The following SH3RF1 variants were observed in gnomAD, a reference collection of about 807,000 sequenced individuals.
SH3RF1 encodes the protein E3 ubiquitin-protein ligase SH3RF1.
In SH3RF1, 32 loss-of-function variants were observed where a neutral mutation model predicts 74.0. That is an observed-to-expected ratio of 0.43 (90% CI 0.33 to 0.58). The LOEUF (loss-of-function observed/expected upper bound fraction) is 0.58, where lower values mean the gene tolerates loss of function less well. Among genes scored for constraint, SH3RF1 ranks in the 20% least tolerant of loss-of-function variants. The probability of loss-of-function intolerance (pLI) is 0.05; values close to 1 mark genes in which losing one functional copy is unlikely to be tolerated. For missense variants in SH3RF1, 954 were observed against 1,130.9 expected, an observed-to-expected ratio of 0.84 and a Z score of 2.24; for synonymous variants, 396 against 439.6, an observed-to-expected ratio of 0.90 and a Z score of 1.24.
chr4:169,208,102 G>A (rs917799959), intron 2 of SH3RF1, among the ~76,000 whole-genome samples: 4 of 151,830 alleles, frequency 2.6e-5, no homozygotes, highest in African/African-American at 4.8e-5. Context: ...AAAAGCATAC[G>A]TGGAAACGTA....
At position 169,121,020 on chromosome 4, in the gene SH3RF1, T is replaced by C. The variant is rs1329189346; in HGVS notation, c.1347-31A>G. ...ATAGAAAATAATATTTGATTTCAGGTTGAGTAACAGACAAATCCCAAGATG... is the reference window on the plus strand; with the variant it reads ...ATAGAAAATAATATTTGATTTCAGGCTGAGTAACAGACAAATCCCAAGATG... On this transcript the variant is annotated intron_variant, in intron 7 of 11. Coordinates refer to ENST00000284637, the MANE Select transcript of SH3RF1 (RefSeq NM_020870.4). 3 of 1,580,970 alleles carry C rather than the reference T, an allele frequency of 1.9e-6. No individual in the cohort carries two copies. In the South Asian group the frequency reaches 3.3e-5, roughly 18 times the overall value.
chr4:169,200,001 A>T (rs924410531), intron 2 of SH3RF1, among the ~76,000 whole-genome samples: 3 of 152,206 alleles, frequency 2.0e-5, no homozygotes, highest in African/African-American at 7.2e-5. Context: ...GGCAAATATG[A>T]ACCTAAATAA....
Position 169,169,397 on chromosome 4 carries a change from G to A in SH3RF1, c.394-12718C>T, listed in dbSNP as rs574195848. On this transcript the variant is annotated intron_variant, in intron 2 of 11. Coordinates refer to ENST00000284637, the MANE Select transcript of SH3RF1 (RefSeq NM_020870.4). ...GGATCATATGAGGTCAGGAGTTCAA[G>A]ACCAGCCTGGCCAACATGGCAAAAC... is the stretch of plus-strand genomic sequence containing the variant. Among the ~76,000 whole-genome samples, 15 of 152,248 alleles carry A rather than the reference G, an allele frequency of 9.9e-5. No homozygotes were observed. The South Asian group carries it at 1.7e-3, about 17-fold the overall frequency.
chr4:169,146,599 G>A (rs1733899447), intron 4 of SH3RF1, among the ~76,000 whole-genome samples: 1 of 152,148 alleles, frequency 6.6e-6, no homozygotes, highest in African/African-American at 2.4e-5. Context: ...CAAGAGCTAA[G>A]AAAAGTCAGT....
intron 2 of SH3RF1, among the ~76,000 whole-genome samples, chr4:169,262,156 A>G (rs752709985): frequency 5.1e-4 from 77 of 152,312 alleles, no homozygotes; most frequent in Non-Finnish European, 9.0e-4. Context: ...TCATAGATAT[A>G]GTAAATGAAT....
At chr4:169,159,224 G>C (rs959606960) in intron 2 of SH3RF1, among the ~76,000 whole-genome samples, 1 of 151,890 alleles carries the variant, frequency 6.6e-6, no homozygotes, top group Non-Finnish European at 1.5e-5. Flanking sequence ...GTCCAACTCT[G>C]GGGAAAGAAG....
Position 169,096,461 on chromosome 4 carries a change from C to A in SH3RF1, c.*58G>T, listed in dbSNP as rs1732932907. On this transcript the variant is annotated 3_prime_UTR_variant, in exon 12 of 12. Coordinates refer to ENST00000284637, the MANE Select transcript of SH3RF1 (RefSeq NM_020870.4). ...CCACAAATGTGCTCTTTCTGTTAAA[C>A]TGCTTTGTGCTACTTTGTTGTGTGA... 6.4e-7 allele frequency: 1 copy of A among 1,563,316 alleles called. No homozygotes were observed. The highest frequency in any genetic ancestry group is 8.7e-7 in the Non-Finnish European group (1 of 1,153,128).
intron 2 of SH3RF1, among the ~76,000 whole-genome samples, chr4:169,160,208 A>T (rs1734129176): frequency 6.6e-6 from 1 of 152,198 alleles, no homozygotes; most frequent in South Asian, 2.1e-4. Context: ...CTTAGAAACC[A>T]TTCTGAACTG....
intron 2 of SH3RF1, among the ~76,000 whole-genome samples, chr4:169,161,837 C>T (rs1444869979): frequency 6.6e-6 from 1 of 152,136 alleles, no homozygotes; most frequent in Non-Finnish European, 1.5e-5. Flanking sequence ...ATAGAAAGTA[C>T]CACACAGAGT....
intron 11 of SH3RF1, among the ~76,000 whole-genome samples, chr4:169,104,680 T>G (rs770379881): frequency 4.6e-5 from 7 of 152,044 alleles, no homozygotes; most frequent in Non-Finnish European, 8.8e-5. Flanking sequence ...GGCAGGTGAA[T>G]TGCCTGAGCT....
chr4:169,237,753 A>G (rs1191104614), intron 2 of SH3RF1, among the ~76,000 whole-genome samples: 1 of 152,174 alleles, frequency 6.6e-6, no homozygotes, highest in Non-Finnish European at 1.5e-5. Context: ...ACTGATAAAG[A>G]ATTAGTAATA....
At chr4:169,115,030 T>C (rs1246117817) in intron 10 of SH3RF1, among the ~76,000 whole-genome samples, 2 of 152,198 alleles carry the variant, frequency 1.3e-5, no homozygotes, top group Admixed American at 6.5e-5. Context: ...CTTCTTTTTC[T>C]TTTTACATTT....
At chr4:169,192,396 C>T (rs994170693) in intron 2 of SH3RF1, among the ~76,000 whole-genome samples, 1 of 151,990 alleles carries the variant, frequency 6.6e-6, no homozygotes, top group Non-Finnish European at 1.5e-5. Context: ...TGCTGAACAT[C>T]ACTAATGATC....
chr4:169,120,780 C>T (rs768073897), intron 8 of SH3RF1, 39 bp downstream of exon 8: 38 of 1,592,248 alleles, frequency 2.4e-5, no homozygotes, highest in Non-Finnish European at 3.1e-5. Flanking sequence ...CAAAGCTTCT[C>T]TGTTTAGAAC....
intron 2 of SH3RF1, among the ~76,000 whole-genome samples, chr4:169,254,558 C>T (rs1366960361): frequency 6.6e-6 from 1 of 151,936 alleles, no homozygotes; most frequent in African/African-American, 2.4e-5. Context: ...AAGTTTAATC[C>T]GGAGGGTAGT....
chr4:169,169,144 A>C (rs778257427), intron 2 of SH3RF1, among the ~76,000 whole-genome samples: 2 of 152,202 alleles, frequency 1.3e-5, no homozygotes, highest in Non-Finnish European at 2.9e-5. Flanking sequence ...TCTTCTAGTC[A>C]ATTAAATGTG....
At chr4:169,201,687 C>T (rs542847113) in intron 2 of SH3RF1, 1 of 152,290 alleles carries the variant, frequency 6.6e-6, no homozygotes, top group South Asian at 2.1e-4. Flanking sequence ...ATAATCATTT[C>T]CATGGTAACT....
chr4:169,242,221 T>C (rs2110736114), intron 2 of SH3RF1, among the ~76,000 whole-genome samples: 2 of 152,282 alleles, frequency 1.3e-5, no homozygotes, highest in Non-Finnish European at 2.9e-5. Context: ...ATTCCAATCA[T>C]TGATCTGATG....
intron 2 of SH3RF1, among the ~76,000 whole-genome samples, chr4:169,228,799 T>C (rs1443120501): frequency 1.3e-5 from 2 of 152,158 alleles, no homozygotes; most frequent in African/African-American, 4.8e-5. Context: ...CACAGACATA[T>C]ACCACACCCA....
Sources: gnomAD v4.1 joint callset for allele counts (sites outside exome capture counted in the v4.1 genomes callset) on GRCh38, gnomAD v4.1.1 for gene constraint, MANE v1.5 for transcripts, NCBI Gene and HGNC (gene_info 2026-07-23, HGNC 2026-07-21) for gene names.